The following ABLIM2 variants were observed in gnomAD, a reference collection of about 807,000 sequenced individuals.
The protein encoded by ABLIM2 is actin-binding LIM protein 2.
ABLIM2 carries 53 observed loss-of-function variants against 97.7 expected under a neutral mutation model. That is an observed-to-expected ratio of 0.54 (90% CI 0.44 to 0.68). The LOEUF (loss-of-function observed/expected upper bound fraction) is 0.68, where lower values mean the gene tolerates loss of function less well. Among genes scored for constraint, ABLIM2 ranks in the 30% least tolerant of loss-of-function variants. The pLI, the probability that ABLIM2 is intolerant of heterozygous loss-of-function variation, is 0.00. For missense variants in ABLIM2, 835 were observed against 867.2 expected (o/e 0.96, Z 0.47); for synonymous variants, 361 against 345.8 (o/e 1.04, Z -0.49).
chr4:8,091,300 TTATATTATATATATATAATTATATA>T (rs1352691400), intron 3 of ABLIM2, among the ~76,000 whole-genome samples: 1 of 52,908 alleles, frequency 1.9e-5, no homozygotes, highest in Non-Finnish European at 3.6e-5. Flanking sequence ...ATATTATATA[TTATATTATATATATATAATTATATA>T]TATATTATAT....
At chr4:8,129,572 G>A (rs945331056) in intron 1 of ABLIM2, among the ~76,000 whole-genome samples, 5 of 152,168 alleles carry the variant, frequency 3.3e-5, no homozygotes, top group Admixed American at 1.3e-4. Context: ...GGAGAAATCC[G>A]GGGCACAGAA....
In ABLIM2 at chr4:8,015,031, G is replaced by C. The variant is rs903283429; in HGVS notation, c.1423+4587C>G. On this transcript the variant is annotated intron_variant, in intron 14 of 20. Coordinates refer to ENST00000447017, the MANE Select transcript of ABLIM2 (RefSeq NM_001130083.2). The surrounding 1 kb of genome is among the most constrained non-coding windows in gnomAD (Gnocchi z 4.6). ...CGCCTCCCAGGTTCAAGCAATTCTC[G>C]TACTTCAGCCTCCCGAGTAGCTGGG... Among the ~76,000 whole-genome samples the C allele has an allele frequency of 1.3e-5, 2 of 151,080 alleles. No homozygotes were observed. The highest frequency in any genetic ancestry group is 2.9e-5 in the Non-Finnish European group (2 of 67,860).
At chr4:8,152,852 G>A (rs1561646178) in intron 1 of ABLIM2, among the ~76,000 whole-genome samples, 2 of 152,164 alleles carry the variant, frequency 1.3e-5, no homozygotes, top group Admixed American at 6.5e-5. Flanking sequence ...CTCTGGGGAG[G>A]GGCAGCAATG....
At position 8,127,639 on chromosome 4, in the gene ABLIM2, C is replaced by A; in HGVS notation, c.11-21002G>T. On this transcript the variant is annotated intron_variant, in intron 1 of 20. Transcript: ENST00000447017. The surrounding 1 kb of genome is among the most constrained non-coding windows in gnomAD (Gnocchi z 7.3). ...CCCTCTGCGTGGCTGGGCCTGGCAC[C>A]CACGGAGGATCGGGCAGGAGTGGAC... 1 of 1,288,082 alleles carries A rather than the reference C, an allele frequency of 7.8e-7. No individual in the cohort carries two copies. Among genetic ancestry groups the A allele is most frequent in the Non-Finnish European group, 1.0e-6 (1 of 987,620 alleles). The allele number at this position is 1,288,082 out of a possible 1,614,324, so 79.8% of individuals were successfully genotyped here. A position where few individuals can be genotyped will look rare whatever the true frequency, so the allele number is the denominator to read the frequency against.
At position 8,015,030 on chromosome 4, in the gene ABLIM2, C is replaced by T. The variant is rs528750833; in HGVS notation, c.1423+4588G>A. On this transcript the variant is annotated intron_variant, in intron 14 of 20. Coordinates refer to ENST00000447017, the MANE Select transcript of ABLIM2 (RefSeq NM_001130083.2). The surrounding 1 kb of genome is among the most constrained non-coding windows in gnomAD (Gnocchi z 4.6). Reference sequence around the variant, plus strand: ...CCGCCTCCCAGGTTCAAGCAATTCTCGTACTTCAGCCTCCCGAGTAGCTGG... The same window carrying T: ...CCGCCTCCCAGGTTCAAGCAATTCTTGTACTTCAGCCTCCCGAGTAGCTGG... Among the ~76,000 whole-genome samples the T allele has an allele frequency of 1.2e-4, 18 of 152,110 alleles. No individual in the cohort carries two copies. The highest frequency in any genetic ancestry group is 6.2e-4 in the South Asian group (3 of 4,818).
intron 10 of ABLIM2, among the ~76,000 whole-genome samples, chr4:8,035,329 C>T (rs1878324): frequency 0.31 from 46,965 of 152,064 alleles, 7,272 homozygotes; most frequent in Admixed American, 0.35. Flanking sequence ...CCACACCATC[C>T]GCATCGAACG....
chr4:8,033,359 G>C lies in ABLIM2; in HGVS notation c.1047+2790C>G, dbSNP rs984717063. On this transcript the variant is annotated intron_variant, in intron 10 of 20. Transcript: ENST00000447017. This position sits in a 1 kb window ranked among gnomAD's most constrained non-coding sequence, Gnocchi z 4.5. ...CATGGTTATTACAGCGCAATAACTC[G>C]ACGGCCTCTGGGAGGCTGCCACGGG... 6.6e-6 allele frequency among the ~76,000 whole-genome samples: 1 copy of C among 152,194 alleles called. No homozygotes were observed. Among genetic ancestry groups the C allele is most frequent in the African/African-American group, 2.4e-5 (1 of 41,462 alleles).
rs542001621 is a variant in ABLIM2 at position 8,071,124 on chromosome 4, C to G, written c.675+6504G>C. Among the ~76,000 whole-genome samples, 1 of 152,034 alleles carries G rather than the reference C, an allele frequency of 6.6e-6. No homozygotes were observed. The highest frequency in any genetic ancestry group is 2.1e-4 in the South Asian group (1 of 4,828). On this transcript the variant is annotated intron_variant, in intron 6 of 20. Transcript: ENST00000447017. This position sits in a 1 kb window ranked among gnomAD's most constrained non-coding sequence, Gnocchi z 6.2. ...TCTAGAGGCTGGTCACACCGCTGTC[C>G]CCGTGGATTCGCCAGCTGAGTCCCA...
intron 3 of ABLIM2, among the ~76,000 whole-genome samples, chr4:8,089,444 C>T (rs961158979): frequency 2.6e-5 from 4 of 152,124 alleles, no homozygotes. Flanking sequence ...CCCCTTAAAT[C>T]CCCTGTGTGG....
chr4:8,111,005 T>C (rs1561486460), intron 1 of ABLIM2, among the ~76,000 whole-genome samples: 1 of 152,216 alleles, frequency 6.6e-6, no homozygotes, highest in African/African-American at 2.4e-5. Context: ...AGCCAAACCA[T>C]GCAAAAGCAG....
chr4:8,126,655 A>G (rs190626043), intron 1 of ABLIM2, among the ~76,000 whole-genome samples: 57 of 152,176 alleles, frequency 3.7e-4, no homozygotes, highest in Non-Finnish European at 6.2e-4. Flanking sequence ...CGAGCAGGAC[A>G]CCGGGCCAGG....
chr4:8,054,072 C>A lies in ABLIM2; in HGVS notation c.822+116G>T, dbSNP rs1797581945. The A allele has an allele frequency of 2.5e-6, 3 of 1,218,572 alleles. No homozygotes were observed. The highest frequency in any genetic ancestry group is 2.4e-6 in the Non-Finnish European group (2 of 835,038). The allele number at this position is 1,218,572 out of a possible 1,614,324, so 75.5% of individuals were successfully genotyped here. On this transcript the variant is annotated intron_variant, in intron 8 of 20. Coordinates refer to ENST00000447017, the MANE Select transcript of ABLIM2 (RefSeq NM_001130083.2). The surrounding 1 kb of genome is among the most constrained non-coding windows in gnomAD (Gnocchi z 4.9). ...CCTAAGCCTGGCTGCCCCCATCCTGCAGCCCGTGGGACTGGACAATGAGCC... is the reference window on the plus strand; with the variant it reads ...CCTAAGCCTGGCTGCCCCCATCCTGAAGCCCGTGGGACTGGACAATGAGCC...
rs1057447871 is a variant in ABLIM2 at position 8,125,918 on chromosome 4, G to T, written c.11-19281C>A. 6.6e-6 allele frequency among the ~76,000 whole-genome samples: 1 copy of T among 152,200 alleles called. No individual in the cohort carries two copies. Among genetic ancestry groups the T allele is most frequent in the Non-Finnish European group, 1.5e-5 (1 of 68,032 alleles). On this transcript the variant is annotated intron_variant, in intron 1 of 20. Transcript: ENST00000447017. This position sits in a 1 kb window ranked among gnomAD's most constrained non-coding sequence, Gnocchi z 6.2. ...AGCCTTGGGGGACCCGCCGCTTTTG[G>T]GAACACACCTGCATGTCTCCTTTTT...
intron 1 of ABLIM2, among the ~76,000 whole-genome samples, chr4:8,142,224 G>A (rs963507186): frequency 4.6e-5 from 7 of 152,190 alleles, no homozygotes; most frequent in African/African-American, 1.7e-4. Context: ...CTCCCAGAGT[G>A]TCTGGGTCTC....
Position 7,992,498 on chromosome 4 carries a change from T to C in ABLIM2, c.1680+368A>G, listed in dbSNP as rs1749687157. Among the ~76,000 whole-genome samples the C allele has an allele frequency of 6.6e-6, 1 of 151,992 alleles. No homozygotes were observed. Among genetic ancestry groups the C allele is most frequent in the South Asian group, 2.1e-4 (1 of 4,794 alleles). On this transcript the variant is annotated intron_variant, in intron 17 of 20. Transcript: ENST00000447017. The surrounding 1 kb of genome is among the most constrained non-coding windows in gnomAD (Gnocchi z 5.7). ...ACTTGGCTCACACTGGCTCACCAAA[T>C]GCAACAGCCCTTGGTTATCAGGCTC... is the stretch of plus-strand genomic sequence containing the variant.
intron 14 of ABLIM2, among the ~76,000 whole-genome samples, chr4:8,016,141 T>C (rs1769064873): frequency 6.9e-6 from 1 of 144,764 alleles, no homozygotes; most frequent in African/African-American, 2.6e-5. Context: ...GCCTCCCGGG[T>C]TCAAGCGATT....
In ABLIM2 at chr4:8,147,867, G is replaced by C. The variant is rs1852083837; in HGVS notation, c.10+10813C>G. ...GACACTCACAGGTGGCCTTTGCCCA[G>C]CACTCTGGTTGTGCCATCTTCCCTG... is the stretch of plus-strand genomic sequence containing the variant. On this transcript the variant is annotated intron_variant, in intron 1 of 20. Transcript: ENST00000447017. The surrounding 1 kb of genome is among the most constrained non-coding windows in gnomAD (Gnocchi z 5.3). Among the ~76,000 whole-genome samples the C allele has an allele frequency of 6.6e-6, 1 of 152,234 alleles. No homozygotes were observed.
At chr4:8,131,966 C>T (rs1389078888) in intron 1 of ABLIM2, among the ~76,000 whole-genome samples, 9 of 146,692 alleles carry the variant, frequency 6.1e-5, no homozygotes, top group Middle Eastern at 3.4e-3. Flanking sequence ...CACAGCAGCC[C>T]GCATCCCCTG....
At chr4:8,133,610 C>T (rs368816618) in intron 1 of ABLIM2, among the ~76,000 whole-genome samples, 8 of 152,186 alleles carry the variant, frequency 5.3e-5, no homozygotes, top group African/African-American at 1.4e-4. Flanking sequence ...GATCCCAGCC[C>T]GGCTGGAGCT....
Sources: allele counts gnomAD v4.1 joint callset (sites outside exome capture counted in the v4.1 genomes callset), GRCh38; gene constraint gnomAD v4.1.1; non-coding constraint Gnocchi (gnomAD v3.1); transcripts MANE v1.5; gene names NCBI Gene and HGNC (gene_info 2026-07-23, HGNC 2026-07-21).